The following ZNF248 variants were observed in gnomAD, a reference collection of about 807,000 sequenced individuals.
The protein encoded by ZNF248 is KRAB protein domain.
Under a neutral mutation model 44.3 loss-of-function variants are expected in ZNF248, and 20 were observed. The ratio of observed to expected loss-of-function variants is 0.45; its 90% confidence interval spans 0.32 to 0.66. ZNF248 has a LOEUF of 0.66. Among genes scored for constraint, ZNF248 ranks in the 30% least tolerant of loss-of-function variants. ZNF248 has a pLI of 0.04. For missense variants in ZNF248, 654 were observed against 677.0 expected, an observed-to-expected ratio of 0.97 and a Z score of 0.38; for synonymous variants, 224 against 229.0, an observed-to-expected ratio of 0.98 and a Z score of 0.20.
At chr10:37,856,893 G>A (rs1304045611) in intron 1 of ZNF248, 1 of 197,038 alleles carries the variant, frequency 5.1e-6, no homozygotes. Flanking sequence ...TCTAAGGAAT[G>A]ACAAGATCTG....
At chr10:37,794,098 A>C (rs1280822814) in intron 6 of ZNF248, among the ~76,000 whole-genome samples, 1 of 152,166 alleles carries the variant, frequency 6.6e-6, no homozygotes, top group Non-Finnish European at 1.5e-5. Context: ...CAGTTCTCTC[A>C]TATATAATGA....
the ZNF248 span, among the ~76,000 whole-genome samples, chr10:37,765,772 G>A: frequency 6.6e-6 from 1 of 152,198 alleles, no homozygotes; most frequent in Non-Finnish European, 1.5e-5. Flanking sequence ...AGGACAGTGG[G>A]TGCAGCACAC....
chr10:37,820,242 A>C, intron 6 of ZNF248: 1 of 1,344,394 alleles, frequency 7.4e-7, no homozygotes, highest in East Asian at 2.3e-5. Context: ...CCAGATGGAG[A>C]TCTGTTTTTG....
chr10:37,796,949 G>GT (rs34510209), intron 6 of ZNF248, among the ~76,000 whole-genome samples: 9,136 of 149,090 alleles, frequency 0.061, 353 homozygotes, highest in Middle Eastern at 0.098. Context: ...AACAAATATA[G>GT]TTTTTTTTTT....
intron 3 of ZNF248, among the ~76,000 whole-genome samples, chr10:37,849,571 C>G (rs2134645967): frequency 6.6e-6 from 1 of 151,934 alleles, no homozygotes; most frequent in Admixed American, 6.5e-5. Context: ...CCTGTAGTCC[C>G]AGGTACTCAG....
chr10:37,791,038 A>ATTTTTTTTTTT (rs1554813574), intron 6 of ZNF248, among the ~76,000 whole-genome samples: 1 of 39,644 alleles, frequency 2.5e-5, no homozygotes, highest in African/African-American at 9.7e-5. Flanking sequence ...ATACTTTGTT[A>ATTTTTTTTTTT]TTTCTTTTTT....
intron 3 of ZNF248, among the ~76,000 whole-genome samples, chr10:37,852,894 G>A (rs1003232040): frequency 6.6e-6 from 1 of 151,756 alleles, no homozygotes; most frequent in Non-Finnish European, 1.5e-5. Flanking sequence ...ATGGAGTCTC[G>A]CTCTGTTGCC....
At chr10:37,813,072 T>C (rs2133435725) in intron 6 of ZNF248, among the ~76,000 whole-genome samples, 2 of 147,692 alleles carry the variant, frequency 1.4e-5, no homozygotes, top group Middle Eastern at 3.7e-3. Flanking sequence ...AAGATTTCAA[T>C]ACATGGATCT....
the ZNF248 span, among the ~76,000 whole-genome samples, chr10:37,766,938 T>C: frequency 2.6e-5 from 4 of 152,108 alleles, no homozygotes; most frequent in African/African-American, 7.2e-5. Flanking sequence ...AAGGAGCTGA[T>C]GGAGCTGAAA....
At chr10:37,828,655 T>C (rs1020168455), downstream of ZNF248, 48 of 983,300 alleles carry the variant, frequency 4.9e-5, no homozygotes, top group Non-Finnish European at 5.7e-5. Context: ...ACTAGAAGAA[T>C]GCAGAAAAGT....
downstream of ZNF248, among the ~76,000 whole-genome samples, chr10:37,773,317 T>C (rs1419099905): frequency 6.6e-6 from 1 of 152,208 alleles, no homozygotes; most frequent in Non-Finnish European, 1.5e-5. Flanking sequence ...TTGGAGATTA[T>C]TAGTATCCTC....
chr10:37,811,756 G>C (rs982415749), intron 6 of ZNF248, among the ~76,000 whole-genome samples: 2 of 151,868 alleles, frequency 1.3e-5, no homozygotes, highest in African/African-American at 4.8e-5. Context: ...TGAGGTGGGA[G>C]GATTGTTTGA....
At chr10:37,818,023 C>T (rs966745043) in intron 6 of ZNF248, among the ~76,000 whole-genome samples, 35 of 152,158 alleles carry the variant, frequency 2.3e-4, no homozygotes, top group African/African-American at 8.2e-4. Context: ...TCACGACATT[C>T]TCCTGCCTCA....
chr10:37,820,074 T>C (rs1173272819), intron 6 of ZNF248: 1 of 839,600 alleles, frequency 1.2e-6, no homozygotes, highest in Non-Finnish European at 2.1e-6. Flanking sequence ...CATCCTTGTA[T>C]CTCTGTAGCA....
intron 3 of ZNF248, among the ~76,000 whole-genome samples, chr10:37,842,827 CCATA>C (rs1360058645): frequency 6.6e-6 from 1 of 152,038 alleles, no homozygotes; most frequent in Admixed American, 6.6e-5. Flanking sequence ...TCAAAAAACC[CCATA>C]TATACTGAGA....
rs768672754 is a variant in ZNF248 at position 37,814,575 on chromosome 10, A to C, written c.330+18450T>G. Among the ~76,000 whole-genome samples the C allele has an allele frequency of 5.3e-5, 8 of 152,230 alleles. 1 individual carries two copies. Among genetic ancestry groups the C allele is most frequent in the Non-Finnish European group, 1.0e-4 (7 of 68,040 alleles). On this transcript the variant is annotated intron_variant, in intron 6 of 6. Transcript: ENST00000615949. Reference sequence around the variant, plus strand: ...TTTCTTGCAGGGCAGGTCTACTGCTATCAGACTCCCTCAGCTTTTGTTTAT... The same window carrying C: ...TTTCTTGCAGGGCAGGTCTACTGCTCTCAGACTCCCTCAGCTTTTGTTTAT...
chr10:37,853,632 G>A (rs1049471745), intron 3 of ZNF248, among the ~76,000 whole-genome samples: 10 of 151,964 alleles, frequency 6.6e-5, no homozygotes, highest in African/African-American at 2.4e-4. Context: ...CACCCACCTC[G>A]GCCTCCCAAA....
At chr10:37,783,076 C>A (rs992133602) in intron 6 of ZNF248, among the ~76,000 whole-genome samples, 21 of 152,100 alleles carry the variant, frequency 1.4e-4, no homozygotes, top group African/African-American at 4.8e-4. Flanking sequence ...TGCTAGAAAC[C>A]TTTTTTGGGT....
rs1305388229 is a variant in ZNF248 at position 37,832,027 on chromosome 10, T to C, written c.1328A>G (p.Lys443Arg). 6.2e-7 allele frequency: 1 copy of C among 1,614,088 alleles called. No homozygotes were observed. The change falls in exon 6 of 6, where the codon AAA (lysine) becomes AGA (arginine). Residue 443 changes from lysine to arginine, a missense_variant. Coordinates refer to ENST00000395867, the MANE Select transcript of ZNF248 (RefSeq NM_021045.3). ...GAGGTTTGACTTCACACAGAATGTT[T>C]TTCCACATTGCTTACATTCATAGGG... ...EKPYECKQCG[K>R]TFCVKSNLTE...
Sources: allele counts gnomAD v4.1 joint callset (sites outside exome capture counted in the v4.1 genomes callset), GRCh38; gene constraint gnomAD v4.1.1; transcripts MANE v1.5; gene names NCBI Gene and HGNC (gene_info 2026-07-23, HGNC 2026-07-21).